UBE2W: variants seen among roughly 807,000 people sequenced by gnomAD.
UBE2W encodes the protein ubiquitin-conjugating enzyme E2 W.
A neutral mutation model predicts 27.2 loss-of-function variants in UBE2W; 18 were observed. That is an observed-to-expected ratio of 0.66 (90% CI 0.46 to 0.98). The LOEUF is 0.98. Among genes scored for constraint, UBE2W ranks in the 50% least tolerant of loss-of-function variants. The pLI is 0.00. For synonymous variants in UBE2W, 53 were observed against 57.2 expected (o/e 0.93, Z 0.33); for missense variants, 90 against 180.2 (o/e 0.50, Z 2.87).
chr8:73,786,642 G>C lies in UBE2W; in HGVS notation c.*7460C>G. On this transcript the variant is annotated 3_prime_UTR_variant, in exon 6 of 6. Coordinates refer to ENST00000602593, the MANE Select transcript of UBE2W (RefSeq NM_018299.6). The stretch of plus-strand genomic sequence containing the variant: ...GAGGGAAGAACATTAGCAGACGGCA[G>C]TGGAAGCTTGCATTGCTACTGCTTA... The C allele has an allele frequency of 1.0e-6, 1 of 985,494 alleles. No individual in the cohort carries two copies. The highest frequency in any genetic ancestry group is 1.2e-6 in the Non-Finnish European group (1 of 829,970). The allele number at this position is 985,494 out of a possible 1,614,324, so 61.0% of individuals were successfully genotyped here.
At chr8:73,841,853 T>G (rs1810548879) in intron 1 of UBE2W, among the ~76,000 whole-genome samples, 1 of 152,100 alleles carries the variant, frequency 6.6e-6, no homozygotes, top group Admixed American at 6.5e-5. Context: ...TCCCTCAGTG[T>G]AAAGGTGAAC....
chr8:73,867,820 T>C (rs1416976601), intron 1 of UBE2W, among the ~76,000 whole-genome samples: 1 of 151,952 alleles, frequency 6.6e-6, no homozygotes, highest in Non-Finnish European at 1.5e-5. Context: ...TAGCCATTAG[T>C]GAAATGCAAA....
chr8:73,821,864 G>A (rs759296463), intron 3 of UBE2W, among the ~76,000 whole-genome samples: 3 of 152,030 alleles, frequency 2.0e-5, no homozygotes, highest in Non-Finnish European at 2.9e-5. Flanking sequence ...AGCTGGGTGT[G>A]CCATCAGATG....
chr8:73,805,006 G>GGA (rs1808814230), intron 5 of UBE2W, among the ~76,000 whole-genome samples: 1 of 151,846 alleles, frequency 6.6e-6, no homozygotes, highest in South Asian at 2.1e-4. Context: ...TACAGGCGTA[G>GGA]GCCACCATGC....
intron 4 of UBE2W, among the ~76,000 whole-genome samples, chr8:73,808,690 G>A (rs77154725): frequency 0.029 from 4,418 of 152,100 alleles, 93 homozygotes; most frequent in Non-Finnish European, 0.043. Context: ...GAATTTTATC[G>A]TATTTCATGG....
chr8:73,849,042 A>C lies in UBE2W; in HGVS notation c.16-18570T>G, dbSNP rs1184251433. 5.0e-4 allele frequency among the ~76,000 whole-genome samples: 3 copies of C among 6,024 alleles called. No homozygotes were observed. In the Admixed American group the frequency reaches 7.7e-3, roughly 16 times the overall value. The allele number at this position is 6,024 out of a possible 152,430, so 4.0% of individuals were successfully genotyped here. A position where few individuals can be genotyped will look rare whatever the true frequency, so the allele number is the denominator to read the frequency against. On this transcript the variant is annotated intron_variant, in intron 1 of 5. Coordinates refer to ENST00000602593, the MANE Select transcript of UBE2W (RefSeq NM_018299.6). ...CAACAAAAGCAAAAAAAAGTTTATTAAACAAAAAAAGAAAAAGCAAATATG... is the reference window on the plus strand; with the variant it reads ...CAACAAAAGCAAAAAAAAGTTTATTCAACAAAAAAAGAAAAAGCAAATATG...
intron 1 of UBE2W, among the ~76,000 whole-genome samples, chr8:73,845,140 C>A (rs1031234855): frequency 1.1e-3 from 96 of 90,568 alleles, no homozygotes; most frequent in South Asian, 1.6e-3. Context: ...AGGTGGTGGG[C>A]GCCTCTGCCC....
chr8:73,876,639 T>C (rs553678970), intron 1 of UBE2W, among the ~76,000 whole-genome samples: 2 of 152,302 alleles, frequency 1.3e-5, no homozygotes, highest in East Asian at 1.9e-4. Flanking sequence ...AAATGCACTA[T>C]TGCACTGTCA....
chr8:73,818,641 C>A (rs370985630), intron 3 of UBE2W, among the ~76,000 whole-genome samples: 5 of 152,186 alleles, frequency 3.3e-5, no homozygotes, highest in African/African-American at 1.2e-4. Flanking sequence ...TGAAATGTAA[C>A]CCCCAATGTT....
At chr8:73,798,241 G>C (rs988113210) in intron 5 of UBE2W, among the ~76,000 whole-genome samples, 1 of 152,176 alleles carries the variant, frequency 6.6e-6, no homozygotes, top group Non-Finnish European at 1.5e-5. Context: ...AGGCTGCAAT[G>C]AGCCATGATC....
chr8:73,786,651 T>C lies in UBE2W; in HGVS notation c.*7451A>G. The C allele has an allele frequency of 1.0e-6, 1 of 985,464 alleles. No individual in the cohort carries two copies. The highest frequency in any genetic ancestry group is 1.2e-6 in the Non-Finnish European group (1 of 829,954). The allele number at this position is 985,464 out of a possible 1,614,324, so 61.0% of individuals were successfully genotyped here. A position where few individuals can be genotyped will look rare whatever the true frequency, so the allele number is the denominator to read the frequency against. ...ACATTAGCAGACGGCAGTGGAAGCTTGCATTGCTACTGCTTATGAAACAAG... is the reference window on the plus strand; with the variant it reads ...ACATTAGCAGACGGCAGTGGAAGCTCGCATTGCTACTGCTTATGAAACAAG... On this transcript the variant is annotated 3_prime_UTR_variant, in exon 6 of 6. Coordinates refer to ENST00000602593, the MANE Select transcript of UBE2W (RefSeq NM_018299.6).
chr8:73,869,490 A>G (rs1811910534), intron 1 of UBE2W, among the ~76,000 whole-genome samples: 1 of 152,360 alleles, frequency 6.6e-6, no homozygotes, highest in Middle Eastern at 3.4e-3. Context: ...CAGAAGTAAG[A>G]GACCAGATTG....
chr8:73,801,888 C>A (rs944957527), intron 5 of UBE2W, among the ~76,000 whole-genome samples: 1 of 152,148 alleles, frequency 6.6e-6, no homozygotes, highest in African/African-American at 2.4e-5. Flanking sequence ...ACAAAACCAG[C>A]ATTCAAGTTT....
At chr8:73,827,680 C>G (rs1809907615) in intron 2 of UBE2W, among the ~76,000 whole-genome samples, 1 of 152,078 alleles carries the variant, frequency 6.6e-6, no homozygotes, top group South Asian at 2.1e-4. Flanking sequence ...CAGGTGCACA[C>G]CACCATGCCC....
intron 1 of UBE2W, among the ~76,000 whole-genome samples, chr8:73,843,984 T>G (rs1483707518): frequency 6.6e-6 from 1 of 151,936 alleles, no homozygotes; most frequent in Non-Finnish European, 1.5e-5. Flanking sequence ...CAAGACTCCA[T>G]CTCAAAAAAA....
chr8:73,795,850 G>A, intron 5 of UBE2W: 1 of 871,660 alleles, frequency 1.1e-6, no homozygotes, highest in Non-Finnish European at 1.4e-6. Flanking sequence ...GGGAGGCTGA[G>A]GTGGATGGAC....
downstream of UBE2W, among the ~76,000 whole-genome samples, chr8:73,785,569 A>G (rs1475384047): frequency 6.6e-6 from 1 of 151,960 alleles, no homozygotes; most frequent in East Asian, 1.9e-4. Flanking sequence ...ACAGTACCTA[A>G]TATGTAGTTT....
intron 3 of UBE2W, among the ~76,000 whole-genome samples, chr8:73,811,062 C>G (rs1809130670): frequency 6.6e-6 from 1 of 152,242 alleles, no homozygotes; most frequent in South Asian, 2.1e-4. Context: ...ATTCCTCCTA[C>G]TACTACCTGT....
intron 5 of UBE2W, among the ~76,000 whole-genome samples, chr8:73,803,347 A>T (rs1013864442): frequency 5.3e-5 from 8 of 152,206 alleles, no homozygotes; most frequent in African/African-American, 1.9e-4. Flanking sequence ...CCTTCCCCTT[A>T]TCACTGATTT....
Sources: gnomAD v4.1 joint callset for allele counts (sites outside exome capture counted in the v4.1 genomes callset) on GRCh38, gnomAD v4.1.1 for gene constraint, MANE v1.5 for transcripts, NCBI Gene and HGNC (gene_info 2026-07-23, HGNC 2026-07-21) for gene names.